Variants in DIP2C observed in about 807,000 individuals in gnomAD.
DIP2C encodes disco-interacting protein 2 homolog C.
Under a neutral mutation model 192.4 loss-of-function variants are expected in DIP2C, and 33 were observed. That is an observed-to-expected ratio of 0.17 (90% CI 0.13 to 0.23). The LOEUF is 0.23. DIP2C is among the 10% of genes least tolerant of loss of function. The pLI is 1.00. For missense variants in DIP2C, 1,537 were observed against 2,110.1 expected (o/e 0.73, Z 5.32); for synonymous variants, 979 against 864.1 (o/e 1.13, Z -2.33).
At chr10:572,837 G>A (rs1849911245) in intron 1 of DIP2C, among the ~76,000 whole-genome samples, 1 of 152,094 alleles carries the variant, frequency 6.6e-6, no homozygotes, top group Non-Finnish European at 1.5e-5. Context: ...CAAAGACCAG[G>A]GCAGCCAGGA....
At chr10:436,876 G>C (rs1326368356) in intron 4 of DIP2C, among the ~76,000 whole-genome samples, 1 of 140,048 alleles carries the variant, frequency 7.1e-6, no homozygotes, top group Non-Finnish European at 1.5e-5. Flanking sequence ...ACATGGTAGG[G>C]TGATATGCTC....
intron 1 of DIP2C, among the ~76,000 whole-genome samples, chr10:565,995 C>T (rs1220244317): frequency 2.0e-5 from 3 of 152,108 alleles, no homozygotes; most frequent in Non-Finnish European, 4.4e-5. Context: ...CTGCAAAGGC[C>T]GGCATTCAGA....
intron 2 of DIP2C, among the ~76,000 whole-genome samples, chr10:474,176 G>C (rs1042469250): frequency 3.5e-4 from 53 of 152,174 alleles, no homozygotes; most frequent in African/African-American, 1.2e-3. Flanking sequence ...AAAAACAGTA[G>C]CTACCTGGCA....
At position 379,907 on chromosome 10, in the gene DIP2C, GGAT is replaced by G. The variant is rs140385581; in HGVS notation, c.1991+2737_1991+2739del. On this transcript the variant is annotated intron_variant, in intron 17 of 36. Coordinates refer to ENST00000280886, the MANE Select transcript of DIP2C (RefSeq NM_014974.3). ...TTAACGTGCAGAAGAGGCTGTCCCT[GGAT>G]GATGGTTAACAGGCAGAAAAGGCTG... 2.6e-3 allele frequency among the ~76,000 whole-genome samples: 391 copies of G among 152,004 alleles called. 1 individual carries two copies. Among genetic ancestry groups the G allele is most frequent in the African/African-American group, 9.1e-3 (378 of 41,460 alleles).
chr10:510,015 C>A (rs149029846), intron 1 of DIP2C, among the ~76,000 whole-genome samples: 1 of 152,210 alleles, frequency 6.6e-6, no homozygotes, highest in South Asian at 2.1e-4. Flanking sequence ...CGGGGTGCAG[C>A]GCGGCCTGCA....
chr10:545,166 C>CTTTTTTTTTTTTTT (rs60185327), intron 1 of DIP2C, among the ~76,000 whole-genome samples: 48 of 86,340 alleles, frequency 5.6e-4, no homozygotes, highest in Non-Finnish European at 7.0e-4. Flanking sequence ...GGTGTTTTCC[C>CTTTTTTTTTTTTTT]TTTTTTTTTT....
Position 533,395 on chromosome 10 carries a change from G to C in DIP2C, c.86-46865C>G, listed in dbSNP as rs1056245883. Reference sequence around the variant, plus strand: ...CAGCTTTCTCAAGGCCGCACAGCCCGGGCACCATAACAGCCTCGGGGCAAA... The same window carrying C: ...CAGCTTTCTCAAGGCCGCACAGCCCCGGCACCATAACAGCCTCGGGGCAAA... On this transcript the variant is annotated intron_variant, in intron 1 of 36. Transcript: ENST00000280886. Among the ~76,000 whole-genome samples, 4 of 152,206 alleles carry C rather than the reference G, an allele frequency of 2.6e-5. No homozygotes were observed. In the South Asian group the frequency reaches 8.3e-4, roughly 32 times the overall value.
intron 1 of DIP2C, among the ~76,000 whole-genome samples, chr10:556,635 G>A (rs144692338): frequency 3.3e-5 from 5 of 151,932 alleles, no homozygotes; most frequent in Non-Finnish European, 5.9e-5. Flanking sequence ...CCTCCACAAT[G>A]TTGCCACCCT....
intron 31 of DIP2C, among the ~76,000 whole-genome samples, chr10:315,534 A>G (rs1420234797): frequency 1.3e-5 from 2 of 152,238 alleles, no homozygotes; most frequent in Non-Finnish European, 2.9e-5. Flanking sequence ...TCTGGCTTCC[A>G]GCACTTCTGA....
At chr10:546,277 TAAA>T (rs370870788) in intron 1 of DIP2C, among the ~76,000 whole-genome samples, 10 of 109,404 alleles carry the variant, frequency 9.1e-5, no homozygotes, top group African/African-American at 2.6e-4. Flanking sequence ...GCAAGACTCT[TAAA>T]AAAAAAAAAA....
chr10:497,321 G>A (rs898249908), intron 1 of DIP2C, among the ~76,000 whole-genome samples: 3 of 152,136 alleles, frequency 2.0e-5, no homozygotes, highest in African/African-American at 7.2e-5. Context: ...TAGAACCCAC[G>A]AATATGGAAG....
chr10:344,758 G>A (rs1404219206), intron 28 of DIP2C, 51 bp downstream of exon 28: 2 of 1,492,046 alleles, frequency 1.3e-6, no homozygotes, highest in African/African-American at 1.4e-5. Context: ...GCCACCTCCA[G>A]CACGCTCCGC....
chr10:525,183 T>A (rs1846978362), intron 1 of DIP2C, among the ~76,000 whole-genome samples: 1 of 152,190 alleles, frequency 6.6e-6, no homozygotes, highest in African/African-American at 2.4e-5. Flanking sequence ...TTTGTTTAAA[T>A]GTACTTAATT....
intron 10 of DIP2C, among the ~76,000 whole-genome samples, chr10:395,171 G>C (rs1158856956): frequency 7.0e-6 from 1 of 142,972 alleles, no homozygotes; most frequent in Non-Finnish European, 1.5e-5. Flanking sequence ...GACATGGGGA[G>C]ATGTTGGTCA....
chr10:624,167 G>C (rs762823971), intron 1 of DIP2C, among the ~76,000 whole-genome samples: 1 of 152,230 alleles, frequency 6.6e-6, no homozygotes, highest in Non-Finnish European at 1.5e-5. Context: ...CCAGCACATG[G>C]ATGGAGGGAT....
chr10:603,898 CGA>C (rs1852274793), intron 1 of DIP2C, among the ~76,000 whole-genome samples: 1 of 151,858 alleles, frequency 6.6e-6, no homozygotes, highest in African/African-American at 2.4e-5. Flanking sequence ...CACACCCCTC[CGA>C]CCACTGCCCC....
At chr10:399,896 CT>C (rs766948111) in intron 9 of DIP2C, among the ~76,000 whole-genome samples, 1 of 152,228 alleles carries the variant, frequency 6.6e-6, no homozygotes, top group Non-Finnish European at 1.5e-5. Context: ...CTGCAGCAGT[CT>C]TCCCTGTGTA....
chr10:544,061 G>A (rs1189932843), intron 1 of DIP2C, among the ~76,000 whole-genome samples: 4 of 152,228 alleles, frequency 2.6e-5, no homozygotes, highest in Admixed American at 2.0e-4. Context: ...AAGGTGACTG[G>A]TATCGTACAG....
intron 1 of DIP2C, among the ~76,000 whole-genome samples, chr10:588,580 G>C (rs80292512): frequency 6.6e-6 from 1 of 152,208 alleles, no homozygotes; most frequent in African/African-American, 2.4e-5. Flanking sequence ...CAGTAACAGA[G>C]GTCCCGGCAG....
Sources: allele counts gnomAD v4.1 joint callset (sites outside exome capture counted in the v4.1 genomes callset), GRCh38; gene constraint gnomAD v4.1.1; transcripts MANE v1.5; gene names NCBI Gene and HGNC (gene_info 2026-07-23, HGNC 2026-07-21).